YKT6: variants seen among roughly 807,000 people sequenced by gnomAD.
YKT6 encodes the protein synaptobrevin homolog YKT6.
In YKT6, 12 loss-of-function variants were observed where a neutral mutation model predicts 29.3. The ratio of observed to expected loss-of-function variants is 0.41; its 90% confidence interval spans 0.26 to 0.66. The LOEUF is 0.66. Ranked by LOEUF, YKT6 falls within the 30% of genes least tolerant of loss-of-function variation. The pLI, the probability that YKT6 is intolerant of heterozygous loss-of-function variation, is 0.32. For synonymous variants in YKT6, 86 were observed against 94.3 expected (o/e 0.91, Z 0.51); for missense variants, 188 against 243.8 (o/e 0.77, Z 1.52).
intron 1 of YKT6, among the ~76,000 whole-genome samples, chr7:44,203,314 G>A (rs779720114): frequency 5.3e-5 from 8 of 152,186 alleles, no homozygotes; most frequent in Non-Finnish European, 1.0e-4. Context: ...GGCTGGTCTC[G>A]AACTCCTGAG....
At chr7:44,204,194 G>T (rs538115189) in intron 1 of YKT6, among the ~76,000 whole-genome samples, 1 of 152,320 alleles carries the variant, frequency 6.6e-6, no homozygotes, top group Non-Finnish European at 1.5e-5. Context: ...TTCTAGTGCA[G>T]TTCTTATAAA....
chr7:44,203,995 C>A (rs1010245570), intron 1 of YKT6, among the ~76,000 whole-genome samples: 1 of 152,206 alleles, frequency 6.6e-6, no homozygotes, highest in African/African-American at 2.4e-5. Flanking sequence ...CCATTTCCCA[C>A]TTCTTTGTCT....
At chr7:44,212,176 C>T (rs199783990) in intron 6 of YKT6, 71 bp from the exon 7 acceptor site, 18 of 1,595,206 alleles carry the variant, frequency 1.1e-5, no homozygotes, top group African/African-American at 6.7e-5. Flanking sequence ...CCCTCTGCCA[C>T]GCCTGCCAGG....
At chr7:44,210,802 T>A (rs1369981930) in intron 5 of YKT6, 1 of 610,290 alleles carries the variant, frequency 1.6e-6, no homozygotes, top group African/African-American at 1.8e-5. Context: ...GTCTGCTACA[T>A]CCCAGTTAGA....
intron 5 of YKT6, chr7:44,208,401 T>A: frequency 1.8e-6 from 1 of 546,412 alleles, no homozygotes; most frequent in South Asian, 2.1e-5. Flanking sequence ...CACCCATTGT[T>A]TCTAGGGGAC....
At chr7:44,206,347 A>T (rs1466461037) in intron 2 of YKT6, 38 bp from the exon 3 acceptor site, 10 of 1,601,138 alleles carry the variant, frequency 6.2e-6, no homozygotes, top group Non-Finnish European at 7.7e-6. Flanking sequence ...TGAAGCCCTC[A>T]TGTCAGCATC....
At chr7:44,203,839 G>C (rs2971668) in intron 1 of YKT6, among the ~76,000 whole-genome samples, 30,809 of 152,026 alleles carry the variant, frequency 0.2, 3,291 homozygotes, top group Admixed American at 0.28. Context: ...GATGGCCCTG[G>C]TTGCCCTTTA....
At chr7:44,206,547 A>G in intron 3 of YKT6, 62 bp downstream of exon 3, 2 of 1,442,882 alleles carry the variant, frequency 1.4e-6, no homozygotes, top group Non-Finnish European at 1.9e-6. Context: ...ATGGACTGGG[A>G]CAGGGGTTGA....
Position 44,201,617 on chromosome 7 carries a change from G to C in YKT6, c.104+378G>C, listed in dbSNP as rs1221953306. Among the ~76,000 whole-genome samples, 11 of 152,344 alleles carry C rather than the reference G, an allele frequency of 7.2e-5. No individual in the cohort carries two copies. The East Asian group carries it at 1.9e-3, about 27-fold the overall frequency. ...TTTAAGGAGACTGTGAAGTAGTGCA[G>C]ATTTCCAAGCTTCATGCCAAGATGT... On this transcript the variant is annotated intron_variant, in intron 1 of 6. Transcript: ENST00000223369.
In YKT6 at chr7:44,206,405, G is replaced by A. The variant is rs1277939353; in HGVS notation, c.208G>A (p.Val70Ile). ...CTTAGACTATCTGTGCCACGTCTAC[G>A]TCCGGAATGATAGTCTTGCAGGTGT... ...KEQDYLCHVY[V>I]RNDSLAGVVI... The change falls in exon 3 of 7, where the codon GTC becomes ATC. Residue 70 changes from valine (V) to isoleucine (I), a missense_variant. Physicochemically the swap from Val to Ile is conservative, Grantham distance 29. Around this residue, in one of 3 missense-constraint regions of YKT6, gnomAD observed 100 missense variants for 136.3 expected, o/e 0.73. Transcript: ENST00000223369. 12 of 1,613,960 alleles carry A rather than the reference G, an allele frequency of 7.4e-6. No individual in the cohort carries two copies. The Admixed American group carries it at 8.3e-5, about 11-fold the overall frequency.
In YKT6 at chr7:44,209,062, A is replaced by G. The variant is rs2096343967; in HGVS notation, c.459+864A>G. Among the ~76,000 whole-genome samples the G allele has an allele frequency of 2.0e-5, 3 of 152,218 alleles. No individual in the cohort carries two copies. In the South Asian group the frequency reaches 6.2e-4, roughly 32 times the overall value. On this transcript the variant is annotated intron_variant, in intron 5 of 6. Coordinates refer to ENST00000223369, the MANE Select transcript of YKT6 (RefSeq NM_006555.4). ...CACAGTTTTGTCACTGCTTGTTTAC[A>G]TGTCTCCCTGACCAGCGTATGAGCA...
At chr7:44,211,269 GGTGA>G in intron 6 of YKT6, 145 bp downstream of exon 6, 1 of 836,294 alleles carries the variant, frequency 1.2e-6, no homozygotes, top group Non-Finnish European at 1.8e-6. Context: ...AAGAGCCTAA[GGTGA>G]GCGCCTCAGG....
chr7:44,207,620 A>C, intron 4 of YKT6, 128 bp downstream of exon 4: 1 of 766,848 alleles, frequency 1.3e-6, no homozygotes, highest in Admixed American at 2.6e-5. Flanking sequence ...GTCCTCTCTC[A>C]AGCCTTACTG....
intron 2 of YKT6, among the ~76,000 whole-genome samples, chr7:44,205,946 T>C (rs1015959118): frequency 6.6e-6 from 1 of 152,198 alleles, no homozygotes; most frequent in African/African-American, 2.4e-5. Context: ...TTGGCTGCTC[T>C]GAAAAGATTT....
chr7:44,212,141 C>A, intron 6 of YKT6, 106 bp from the exon 7 acceptor site: 1 of 1,379,108 alleles, frequency 7.3e-7, no homozygotes, highest in Non-Finnish European at 1.0e-6. Flanking sequence ...GCTAGTTTCT[C>A]TGCCTGGCTG....
intron 5 of YKT6, among the ~76,000 whole-genome samples, chr7:44,209,201 C>T (rs1420330888): frequency 6.6e-6 from 1 of 152,200 alleles, no homozygotes; most frequent in Non-Finnish European, 1.5e-5. Flanking sequence ...ACCATTTACA[C>T]AGGCATAGCT....
At chr7:44,210,150 C>T (rs556045891) in intron 5 of YKT6, among the ~76,000 whole-genome samples, 2 of 152,208 alleles carry the variant, frequency 1.3e-5, no homozygotes, top group East Asian at 3.9e-4. Flanking sequence ...TGTCTGTACT[C>T]AGAGCGCTGC....
rs535892024 is a variant in YKT6, at chr7:44,213,127, G to T, written c.*845G>T. ...AGATCAAACACAGGTGCACTCAGCT[G>T]CCCAGGGCCTCTGGGACACTTGCCT... On this transcript the variant is annotated 3_prime_UTR_variant, in exon 7 of 7. Transcript: ENST00000223369. 6.6e-6 allele frequency: 1 copy of T among 152,282 alleles called. No individual in the cohort carries two copies. The highest frequency in any genetic ancestry group is 2.1e-4 in the South Asian group (1 of 4,834). The allele number at this position is 152,282 out of a possible 1,614,324, so 9.4% of individuals were successfully genotyped here. A position where few individuals can be genotyped will look rare whatever the true frequency, so the allele number is the denominator to read the frequency against.
At chr7:44,204,717 C>G in intron 2 of YKT6, 67 bp downstream of exon 2, 1 of 1,484,508 alleles carries the variant, frequency 6.7e-7, no homozygotes. Flanking sequence ...CACATAGCAC[C>G]CAGCTTTCTC....
Sources: gnomAD v4.1 joint callset for allele counts (sites outside exome capture counted in the v4.1 genomes callset) on GRCh38, gnomAD v4.1.1 for gene constraint, gnomAD v4.1.1 regional missense constraint, MANE v1.5 for transcripts, NCBI Gene and HGNC (gene_info 2026-07-23, HGNC 2026-07-21) for gene names.